The following CEP63 variants were observed in gnomAD, a reference collection of about 807,000 sequenced individuals.
CEP63 encodes centrosomal protein 63, also known as centrosomal protein of 63 kDa.
A neutral mutation model predicts 89.1 loss-of-function variants in CEP63; 84 were observed. The observed-to-expected ratio is 0.94, with a 90% CI of 0.79 to 1.13. CEP63 has a LOEUF of 1.13. Ranked by LOEUF, CEP63 falls within the 50% of genes most tolerant of loss-of-function variation. The probability of loss-of-function intolerance (pLI) is 0.00; values close to 1 mark genes in which losing one functional copy is unlikely to be tolerated. For synonymous variants in CEP63, 267 were observed against 272.5 expected, an observed-to-expected ratio of 0.98 and a Z score of 0.20; for missense variants, 838 against 813.3, an observed-to-expected ratio of 1.03 and a Z score of -0.37.
chr3:134,685,212 A>C, the CEP63 span, among the ~76,000 whole-genome samples: 1 of 152,132 alleles, frequency 6.6e-6, no homozygotes, highest in Non-Finnish European at 1.5e-5. Context: ...CATCTTATTC[A>C]TAAGTGTATT....
the CEP63 span, among the ~76,000 whole-genome samples, chr3:134,670,030 T>C: frequency 6.6e-6 from 1 of 152,160 alleles, no homozygotes; most frequent in Non-Finnish European, 1.5e-5. Flanking sequence ...TGAGAGGTTA[T>C]GGTGAAAAGT....
chr3:134,522,031 CTCTTT>C (rs1435439026), intron 3 of CEP63, among the ~76,000 whole-genome samples: 1 of 152,102 alleles, frequency 6.6e-6, no homozygotes, highest in African/African-American at 2.4e-5. Flanking sequence ...CTCTTTTAGT[CTCTTT>C]TCTTTGTATT....
At chr3:134,769,349 A>T in the CEP63 span, among the ~76,000 whole-genome samples, 5 of 151,856 alleles carry the variant, frequency 3.3e-5, no homozygotes, top group Non-Finnish European at 7.4e-5. Flanking sequence ...ACCCCAGGTA[A>T]CTCTGGTGAT....
chr3:134,489,203 C>T (rs1936803715), intron 1 of CEP63, among the ~76,000 whole-genome samples: 1 of 151,742 alleles, frequency 6.6e-6, no homozygotes, highest in African/African-American at 2.4e-5. Context: ...CTTGCATTAG[C>T]CACATTTCAA....
chr3:134,629,666 G>A, the CEP63 span: 10 of 1,598,934 alleles, frequency 6.3e-6, no homozygotes, highest in South Asian at 1.1e-5. Context: ...ATGGCATCTC[G>A]AGGGTGGACT....
the CEP63 span, among the ~76,000 whole-genome samples, chr3:134,637,425 G>C: frequency 5.9e-5 from 9 of 152,148 alleles, no homozygotes; most frequent in Non-Finnish European, 1.2e-4. Flanking sequence ...AATGAATTGA[G>C]AAACATGTTC....
At chr3:134,616,742 A>C in the CEP63 span, among the ~76,000 whole-genome samples, 1 of 152,242 alleles carries the variant, frequency 6.6e-6, no homozygotes, top group African/African-American at 2.4e-5. Context: ...ACTCAAGGCA[A>C]GTGTCAATTT....
chr3:134,658,629 A>G, the CEP63 span, among the ~76,000 whole-genome samples: 36 of 152,248 alleles, frequency 2.4e-4, no homozygotes, highest in Non-Finnish European at 5.0e-4. Flanking sequence ...GCCTGGAGGT[A>G]GAACTGAGCT....
chr3:134,746,310 C>G, the CEP63 span, among the ~76,000 whole-genome samples: 2 of 152,138 alleles, frequency 1.3e-5, no homozygotes, highest in Non-Finnish European at 2.9e-5. Flanking sequence ...TTTTCTTAAT[C>G]CAGTCTATCA....
At position 134,494,209 on chromosome 3, in the gene CEP63, G is replaced by A. The variant is rs751741255; in HGVS notation, c.-25-1087G>A. ...CGGATCACTGCAACCTCCGCCTCCC[G>A]ACTTCAAGCGATTTTCCTACCTCAG... On this transcript the variant is annotated intron_variant, in intron 1 of 14. Transcript: ENST00000675561. Among the ~76,000 whole-genome samples, 35 of 151,212 alleles carry A rather than the reference G, an allele frequency of 2.3e-4. No individual in the cohort carries two copies. The Middle Eastern group carries it at 0.01, about 45-fold the overall frequency.
chr3:134,765,201 T>C, the CEP63 span, among the ~76,000 whole-genome samples: 3 of 152,270 alleles, frequency 2.0e-5, no homozygotes, highest in Admixed American at 6.5e-5. Context: ...AAGGTATTCA[T>C]ATTCTGCTTA....
At chr3:134,524,989 C>G (rs911737783) in intron 3 of CEP63, among the ~76,000 whole-genome samples, 42 of 152,102 alleles carry the variant, frequency 2.8e-4, no homozygotes, top group African/African-American at 9.9e-4. Context: ...TGGTAGAATT[C>G]AGCTGTGAAT....
chr3:134,486,676 C>A, intron 1 of CEP63: 1 of 382,054 alleles, frequency 2.6e-6, no homozygotes, highest in Non-Finnish European at 3.6e-6. Flanking sequence ...GCTGTTGGGA[C>A]TACTTCATTC....
At chr3:134,619,346 G>A in the CEP63 span, 524 of 1,047,642 alleles carry the variant, frequency 5.0e-4, 1 homozygote, top group Middle Eastern at 2.4e-3. Flanking sequence ...GCTGTGCTCT[G>A]GCCATCACCA....
At chr3:134,599,790 C>T in the CEP63 span, among the ~76,000 whole-genome samples, 1 of 152,200 alleles carries the variant, frequency 6.6e-6, no homozygotes, top group African/African-American at 2.4e-5. Flanking sequence ...ATTCGCATCT[C>T]ACCGTCGCAT....
chr3:134,599,237 C>T, the CEP63 span, among the ~76,000 whole-genome samples: 2 of 152,204 alleles, frequency 1.3e-5, no homozygotes, highest in African/African-American at 4.8e-5. Flanking sequence ...AAGAGCTACT[C>T]CTTCTTTTGT....
In CEP63 at chr3:134,561,607, T is replaced by G; in HGVS notation, c.*72T>G. On this transcript the variant is annotated 3_prime_UTR_variant, in exon 15 of 15. Transcript: ENST00000675561. ...AGTTACTGTCATCTGAAGTAGCAGC[T>G]CTTTAAAAACATGAAGAGATAAAAT... 1 of 1,551,954 alleles carries G rather than the reference T, an allele frequency of 6.4e-7. No homozygotes were observed.
At chr3:134,731,759 T>G in the CEP63 span, among the ~76,000 whole-genome samples, 1 of 152,136 alleles carries the variant, frequency 6.6e-6, no homozygotes, top group Non-Finnish European at 1.5e-5. Flanking sequence ...CTCTTGCTGC[T>G]GCTGAACATC....
the CEP63 span, among the ~76,000 whole-genome samples, chr3:134,680,794 G>A: frequency 6.6e-6 from 1 of 152,374 alleles, no homozygotes; most frequent in African/African-American, 2.4e-5. Context: ...AAAGAGCCTG[G>A]AACTGCCAGC....
Sources: gnomAD v4.1 joint callset for allele counts (sites outside exome capture counted in the v4.1 genomes callset) on GRCh38, gnomAD v4.1.1 for gene constraint, MANE v1.5 for transcripts, NCBI Gene and HGNC (gene_info 2026-07-23, HGNC 2026-07-21) for gene names.